Variants in DCDC1 observed in about 807,000 individuals in gnomAD.
DCDC1 encodes the protein doublecortin domain containing 1.
In DCDC1, 200 loss-of-function variants were observed where a neutral mutation model predicts 178.3. The ratio of observed to expected loss-of-function variants is 1.12; its 90% CI spans 1.00 to 1.26. DCDC1 has a LOEUF of 1.26. DCDC1 is among the 50% of genes most tolerant of loss of function. The pLI is 0.00. For synonymous variants in DCDC1, 690 were observed against 604.8 expected (o/e 1.14, Z -2.07); for missense variants, 1,983 against 1,749.2 (o/e 1.13, Z -2.38).
chr11:31,027,657 C>T (rs968585784), intron 20 of DCDC1, among the ~76,000 whole-genome samples: 1 of 151,824 alleles, frequency 6.6e-6, no homozygotes, highest in Non-Finnish European at 1.5e-5. Context: ...ATTTGATTAT[C>T]TACACTGATG....
chr11:31,214,356 C>A (rs956698956), intron 9 of DCDC1, among the ~76,000 whole-genome samples: 1 of 152,020 alleles, frequency 6.6e-6, no homozygotes, highest in Admixed American at 6.6e-5. Flanking sequence ...TTTTTGAAAA[C>A]TACATTTCAA....
At chr11:31,094,285 CT>C (rs1320014043) in intron 15 of DCDC1, 101 bp from the exon 16 acceptor site, 2 of 667,816 alleles carry the variant, frequency 3.0e-6, no homozygotes, top group East Asian at 5.0e-5. Flanking sequence ...ATTATTTATT[CT>C]GATTGATACC....
chr11:31,164,678 C>A (rs1327026928), intron 9 of DCDC1, among the ~76,000 whole-genome samples: 1 of 151,694 alleles, frequency 6.6e-6, no homozygotes. Flanking sequence ...CAGTCAAAAA[C>A]CTTTTTAAAA....
At chr11:30,939,178 G>T (rs1410938016) in intron 21 of DCDC1, among the ~76,000 whole-genome samples, 1 of 152,088 alleles carries the variant, frequency 6.6e-6, no homozygotes, top group Non-Finnish European at 1.5e-5. Flanking sequence ...GTTGCCGCAG[G>T]GCTTGCTTTT....
chr11:31,263,043 T>C, intron 8 of DCDC1: 1 of 1,612,728 alleles, frequency 6.2e-7, no homozygotes, highest in Non-Finnish European at 8.5e-7. Context: ...CTGGCATCCA[T>C]GAAGTATCAC....
In DCDC1 at chr11:31,315,646, CTT is replaced by C. The variant is rs59083470; in HGVS notation, c.165-7740_165-7739del. On this transcript the variant is annotated intron_variant, in intron 3 of 38. Transcript: ENST00000684477. ...CCACCATGCCCGGCCATCTGCATAC[CTT>C]TTTTTTTTTTTTTTTTTTTATTAAA... 8.1e-3 allele frequency among the ~76,000 whole-genome samples: 907 copies of C among 112,410 alleles called. 8 individuals carry two copies. The highest frequency in any genetic ancestry group is 0.011 in the African/African-American group (300 of 27,110). The allele number at this position is 112,410 out of a possible 152,430, so 73.7% of individuals were successfully genotyped here.
chr11:31,115,322 T>G (rs1959719198), intron 11 of DCDC1, among the ~76,000 whole-genome samples: 1 of 152,150 alleles, frequency 6.6e-6, no homozygotes, highest in Non-Finnish European at 1.5e-5. Flanking sequence ...CCTTTAATGC[T>G]AGAGGTCTGG....
chr11:30,927,645 C>T (rs186385156), intron 22 of DCDC1, among the ~76,000 whole-genome samples: 220 of 152,160 alleles, frequency 1.4e-3, no homozygotes, highest in African/African-American at 4.9e-3. Flanking sequence ...AGCAACTTTA[C>T]AGAAAGTAGA....
intron 2 of DCDC1, among the ~76,000 whole-genome samples, 198 bp from the exon 3 acceptor site, chr11:31,328,484 T>C (rs1949766572): frequency 1.3e-5 from 2 of 151,938 alleles, no homozygotes; most frequent in African/African-American, 2.4e-5. Flanking sequence ...AAGTCTACAA[T>C]TGGTATAATA....
At chr11:31,004,667 G>A (rs892793198) in intron 20 of DCDC1, among the ~76,000 whole-genome samples, 4 of 136,064 alleles carry the variant, frequency 2.9e-5, no homozygotes, top group African/African-American at 1.2e-4. Context: ...GGGTGACAGA[G>A]TGACACTCTG....
intron 9 of DCDC1, among the ~76,000 whole-genome samples, chr11:31,139,242 C>G (rs1963532675): frequency 6.6e-6 from 1 of 152,186 alleles, no homozygotes; most frequent in Non-Finnish European, 1.5e-5. Context: ...CAACATGTGG[C>G]AGGCTGAATT....
chr11:31,227,475 A>G (rs1975143732), intron 9 of DCDC1, among the ~76,000 whole-genome samples: 1 of 152,144 alleles, frequency 6.6e-6, no homozygotes, highest in African/African-American at 2.4e-5. Flanking sequence ...CCCACTTCCA[A>G]CAGTGGGAAT....
intron 38 of DCDC1, among the ~76,000 whole-genome samples, chr11:30,866,685 T>G (rs566291894): frequency 2.0e-5 from 3 of 152,080 alleles, no homozygotes; most frequent in Non-Finnish European, 4.4e-5. Context: ...ATCTTGGACT[T>G]CCAGCCTTCA....
At chr11:31,135,268 C>T (rs984753789) in intron 10 of DCDC1, among the ~76,000 whole-genome samples, 2 of 152,054 alleles carry the variant, frequency 1.3e-5, no homozygotes, top group Non-Finnish European at 2.9e-5. Context: ...CCAAATTTTT[C>T]CTTTCTCTTT....
intron 20 of DCDC1, among the ~76,000 whole-genome samples, chr11:31,000,931 A>C (rs1458854668): frequency 6.6e-6 from 1 of 152,218 alleles, no homozygotes. Flanking sequence ...ATGTATATAC[A>C]AATTTGTAAA....
chr11:31,300,470 ATTTAAAGTAT>A (rs1948029924), intron 6 of DCDC1, among the ~76,000 whole-genome samples: 1 of 152,148 alleles, frequency 6.6e-6, no homozygotes, highest in South Asian at 2.1e-4. Context: ...TCCAATAGGC[ATTTAAAGTAT>A]TACTTCATCT....
intron 20 of DCDC1, among the ~76,000 whole-genome samples, chr11:31,029,618 T>C (rs1953486915): frequency 6.6e-6 from 1 of 152,156 alleles, no homozygotes; most frequent in Non-Finnish European, 1.5e-5. Flanking sequence ...CTCTCACTAC[T>C]ATAAATTTTA....
At chr11:31,325,229 A>T (rs971791567) in intron 3 of DCDC1, among the ~76,000 whole-genome samples, 1 of 152,144 alleles carries the variant, frequency 6.6e-6, no homozygotes, top group African/African-American at 2.4e-5. Flanking sequence ...ATATGGTGAA[A>T]CTATGCCTGG....
chr11:31,135,908 T>C (rs1374755616), intron 10 of DCDC1, among the ~76,000 whole-genome samples: 5 of 152,142 alleles, frequency 3.3e-5, no homozygotes, highest in Admixed American at 6.5e-5. Flanking sequence ...AAACTACGTA[T>C]TTGCTATACT....
Sources: allele counts gnomAD v4.1 joint callset (sites outside exome capture counted in the v4.1 genomes callset), GRCh38; gene constraint gnomAD v4.1.1; transcripts MANE v1.5; gene names NCBI Gene and HGNC (gene_info 2026-07-23, HGNC 2026-07-21).